The following HIF1A variants were observed in gnomAD, a reference collection of about 807,000 sequenced individuals.
The protein encoded by HIF1A is hypoxia inducible factor 1 subunit alpha.
A neutral mutation model predicts 92.7 loss-of-function variants in HIF1A; 24 were observed. That is an observed-to-expected ratio of 0.26 (90% CI 0.19 to 0.36). The LOEUF is 0.36. HIF1A is among the 10% of genes least tolerant of loss of function. The probability of loss-of-function intolerance (pLI) is 1.00; values close to 1 mark genes in which losing one functional copy is unlikely to be tolerated. For missense variants in HIF1A, 799 were observed against 998.5 expected (o/e 0.80, Z 2.69); for synonymous variants, 319 against 338.7 (o/e 0.94, Z 0.64).
chr14:61,745,623 T>A lies in HIF1A; in HGVS notation c.2203-68T>A, dbSNP rs771977995. 14 of 1,302,112 alleles carry A rather than the reference T, an allele frequency of 1.1e-5. No individual in the cohort carries two copies. The African/African-American group carries it at 1.2e-4, about 11-fold the overall frequency. The allele number at this position is 1,302,112 out of a possible 1,614,324, so 80.7% of individuals were successfully genotyped here. ...TAATGTTATTAAATTTACACCAATTTCAAGGTTTTTGGTTGTTTAAAAAAA... is the reference window on the plus strand; with the variant it reads ...TAATGTTATTAAATTTACACCAATTACAAGGTTTTTGGTTGTTTAAAAAAA... On this transcript the variant is annotated intron_variant, in intron 13 of 14. Coordinates refer to ENST00000337138, the MANE Select transcript of HIF1A (RefSeq NM_001530.4).
intron 1 of HIF1A, among the ~76,000 whole-genome samples, chr14:61,720,006 G>A (rs932999694): frequency 6.6e-6 from 1 of 152,096 alleles, no homozygotes; most frequent in Admixed American, 6.5e-5. Context: ...CCTTAATCGT[G>A]GTTTCTCTGT....
chr14:61,710,288 A>T (rs1288267162), intron 1 of HIF1A, among the ~76,000 whole-genome samples: 2 of 152,222 alleles, frequency 1.3e-5, no homozygotes, highest in African/African-American at 4.8e-5. Context: ...TGACCCTGGT[A>T]AAATATTGCT....
At chr14:61,725,969 A>G (rs2044498398) in intron 4 of HIF1A, among the ~76,000 whole-genome samples, 1 of 151,516 alleles carries the variant, frequency 6.6e-6, no homozygotes, top group African/African-American at 2.4e-5. Flanking sequence ...ACAGGCACCC[A>G]CTATCACACC....
intron 1 of HIF1A, among the ~76,000 whole-genome samples, chr14:61,707,817 T>C (rs1366781326): frequency 6.6e-6 from 1 of 151,534 alleles, no homozygotes; most frequent in Non-Finnish European, 1.5e-5. Context: ...TTTGGGTATA[T>C]ACCCAGTAAT....
intron 1 of HIF1A, among the ~76,000 whole-genome samples, chr14:61,713,660 A>T (rs1178927195): frequency 2.6e-5 from 4 of 152,188 alleles, no homozygotes; most frequent in Admixed American, 2.6e-4. Context: ...CTCGCCCTAC[A>T]CATCTCTTCA....
intron 14 of HIF1A, among the ~76,000 whole-genome samples, chr14:61,746,392 CTTTTTT>C (rs754879947): frequency 4.0e-5 from 2 of 49,494 alleles, no homozygotes; most frequent in Non-Finnish European, 1.0e-4. Context: ...TTTATGACTT[CTTTTTT>C]TTTTTTTTTT....
chr14:61,696,345 G>A (rs549734876), intron 1 of HIF1A, among the ~76,000 whole-genome samples: 1 of 152,388 alleles, frequency 6.6e-6, no homozygotes, highest in East Asian at 1.9e-4. Flanking sequence ...CAGTGGACTT[G>A]GGGCCTTGAG....
chr14:61,746,085 G>T (rs567018236), intron 14 of HIF1A, among the ~76,000 whole-genome samples: 2 of 151,930 alleles, frequency 1.3e-5, no homozygotes, highest in East Asian at 3.9e-4. Context: ...TTAGCTGGGC[G>T]TGGTGGCGGG....
chr14:61,721,293 C>A (rs916978693), intron 2 of HIF1A, among the ~76,000 whole-genome samples: 9 of 152,072 alleles, frequency 5.9e-5, no homozygotes, highest in Non-Finnish European at 1.3e-4. Context: ...CTTTCTTCTT[C>A]TATGGTTTGC....
chr14:61,720,722 TCA>T (rs1438153605), intron 2 of HIF1A, 150 bp downstream of exon 2: 2 of 430,494 alleles, frequency 4.6e-6, no homozygotes, highest in Non-Finnish European at 8.1e-6. Flanking sequence ...TCTGTAATTC[TCA>T]CTATTTTTAT....
chr14:61,747,273 G>A lies in HIF1A; in HGVS notation c.*188G>A. On this transcript the variant is annotated 3_prime_UTR_variant, in exon 15 of 15. Coordinates refer to ENST00000337138, the MANE Select transcript of HIF1A (RefSeq NM_001530.4). The stretch of plus-strand genomic sequence containing the variant: ...CTTTTTTAGTATGTTCTTTAATGCT[G>A]GATCACAGACAGCTCATTTTCTCAG... 4.5e-6 allele frequency: 2 copies of A among 442,528 alleles called. No homozygotes were observed. The highest frequency in any genetic ancestry group is 7.1e-5 in the East Asian group (2 of 28,184). The allele number at this position is 442,528 out of a possible 1,614,324, so 27.4% of individuals were successfully genotyped here.
rs1312868950 is a variant in HIF1A, at chr14:61,745,815, C to G, written c.2327C>G (p.Ser776Cys). ...CAAAAGACAATTATTTTAATACCCT[C>G]TGGTTAGTTTATTCTTTTTGACCTT... ...MEQKTIILIP[S>C]DLACRLLGQS... The change falls in exon 14 of 15, where the codon TCT becomes TGT. Residue 776 changes from serine (S) to cysteine (C), a missense_variant and splice_region_variant. By Grantham distance (112) the Ser-to-Cys change is moderately radical. Around this residue, in one of 2 missense-constraint regions of HIF1A, gnomAD observed 283 missense variants for 277.5 expected, o/e 1.02. Coordinates refer to ENST00000337138, the MANE Select transcript of HIF1A (RefSeq NM_001530.4). 1.2e-6 allele frequency: 2 copies of G among 1,605,682 alleles called. No homozygotes were observed. The highest frequency in any genetic ancestry group is 2.7e-5 in the African/African-American group (2 of 74,608).
chr14:61,719,297 T>C (rs1048662482), intron 1 of HIF1A, among the ~76,000 whole-genome samples: 1 of 152,172 alleles, frequency 6.6e-6, no homozygotes, highest in East Asian at 1.9e-4. Context: ...TAGGAGATCA[T>C]GTGAGTGTTT....
At chr14:61,744,242 C>T (rs1422303307) in intron 12 of HIF1A, among the ~76,000 whole-genome samples, 1 of 152,038 alleles carries the variant, frequency 6.6e-6, no homozygotes, top group Non-Finnish European at 1.5e-5. Context: ...TTAAATTAAG[C>T]TTTGACGGCC....
At chr14:61,719,168 A>C (rs1405093691) in intron 1 of HIF1A, among the ~76,000 whole-genome samples, 2 of 152,206 alleles carry the variant, frequency 1.3e-5, no homozygotes, top group African/African-American at 4.8e-5. Context: ...AGGAGGATTA[A>C]GTAAAATAAT....
In HIF1A at chr14:61,747,679, A is replaced by C. The variant is rs1448086868; in HGVS notation, c.*594A>C. 2.0e-5 allele frequency: 3 copies of C among 152,614 alleles called. No homozygotes were observed. The East Asian group carries it at 5.8e-4, about 29-fold the overall frequency. The allele number at this position is 152,614 out of a possible 1,614,324, so 9.5% of individuals were successfully genotyped here. A position where few individuals can be genotyped will look rare whatever the true frequency, so the allele number is the denominator to read the frequency against. On this transcript the variant is annotated 3_prime_UTR_variant, in exon 15 of 15. Coordinates refer to ENST00000337138, the MANE Select transcript of HIF1A (RefSeq NM_001530.4). ...AACCTGGAACATGACATTGTTAATC[A>C]TATAATAATGATTCTTAAATGCTGT... is the stretch of plus-strand genomic sequence containing the variant.
chr14:61,746,817 C>G, intron 14 of HIF1A, 117 bp from the exon 15 acceptor site: 1 of 754,362 alleles, frequency 1.3e-6, no homozygotes, highest in South Asian at 2.1e-5. Context: ...GCCAGGTAAA[C>G]TAAAAACCCT....
chr14:61,720,647 G>C, intron 2 of HIF1A, 75 bp downstream of exon 2: 2 of 967,806 alleles, frequency 2.1e-6, no homozygotes, highest in Non-Finnish European at 3.0e-6. Flanking sequence ...TTTTTAGAAG[G>C]TGGTCGCAAT....
intron 1 of HIF1A, among the ~76,000 whole-genome samples, chr14:61,718,377 A>C (rs139444517): frequency 6.6e-6 from 1 of 152,098 alleles, no homozygotes; most frequent in Non-Finnish European, 1.5e-5. Flanking sequence ...ATAGAAATCT[A>C]TTTCCCACAG....
Sources: allele counts gnomAD v4.1 joint callset (sites outside exome capture counted in the v4.1 genomes callset), GRCh38; gene constraint gnomAD v4.1.1; regional missense constraint gnomAD v4.1.1; transcripts MANE v1.5; gene names NCBI Gene and HGNC (gene_info 2026-07-23, HGNC 2026-07-21).